Variants in MALRD1 observed in about 807,000 individuals in gnomAD.
The protein encoded by MALRD1 is MAM and LDL receptor class A domain containing 1.
In MALRD1, 247 loss-of-function variants were observed where a neutral mutation model predicts 242.1. The observed-to-expected ratio is 1.02, with a 90% CI of 0.92 to 1.13. The LOEUF is 1.13. Among genes scored for constraint, MALRD1 ranks in the 50% most tolerant of loss-of-function variants. MALRD1 has a pLI of 0.00. For missense variants in MALRD1, 2,989 were observed against 2,533.1 expected, an observed-to-expected ratio of 1.18 and a Z score of -3.86; for synonymous variants, 995 against 866.6, an observed-to-expected ratio of 1.15 and a Z score of -2.60.
chr10:19,553,482 CTG>C (rs1384152425), intron 32 of MALRD1, among the ~76,000 whole-genome samples: 3 of 151,898 alleles, frequency 2.0e-5, no homozygotes, highest in Non-Finnish European at 2.9e-5. Flanking sequence ...ACAGCTTGTA[CTG>C]TGTTTTAAAA....
chr10:19,099,112 T>C (rs1210553172), intron 4 of MALRD1, among the ~76,000 whole-genome samples: 1 of 152,172 alleles, frequency 6.6e-6, no homozygotes, highest in Non-Finnish European at 1.5e-5. Flanking sequence ...ACGGAGCTTC[T>C]ATATTGGTTA....
At chr10:19,677,164 C>T (rs1842171279) in intron 36 of MALRD1, among the ~76,000 whole-genome samples, 1 of 151,934 alleles carries the variant, frequency 6.6e-6, no homozygotes, top group African/African-American at 2.4e-5. Context: ...GATTTATATT[C>T]CTTTGGGTAT....
chr10:19,396,579 A>C (rs1042222150), intron 28 of MALRD1, among the ~76,000 whole-genome samples: 3 of 152,266 alleles, frequency 2.0e-5, no homozygotes, highest in Admixed American at 6.5e-5. Context: ...TATGTTGAAT[A>C]ATCAGGATTA....
intron 2 of MALRD1, among the ~76,000 whole-genome samples, chr10:19,078,578 A>G (rs1452166364): frequency 5.3e-5 from 8 of 151,782 alleles, no homozygotes; most frequent in East Asian, 3.9e-4. Flanking sequence ...TTTGTTTTTT[A>G]TAAGAGTTTG....
At chr10:19,381,015 C>T (rs1196656825) in intron 26 of MALRD1, among the ~76,000 whole-genome samples, 4 of 148,896 alleles carry the variant, frequency 2.7e-5, no homozygotes, top group Non-Finnish European at 5.9e-5. Context: ...CCCACTAAAT[C>T]GTCATCTAGC....
intron 24 of MALRD1, among the ~76,000 whole-genome samples, chr10:19,332,032 T>A (rs1382212867): frequency 6.6e-6 from 1 of 151,966 alleles, no homozygotes; most frequent in Non-Finnish European, 1.5e-5. Context: ...CGCCCAGCTA[T>A]TTTTTGTATT....
intron 12 of MALRD1, among the ~76,000 whole-genome samples, chr10:19,157,516 G>C (rs1256797713): frequency 6.6e-6 from 1 of 151,850 alleles, no homozygotes; most frequent in African/African-American, 2.4e-5. Context: ...CAAAGTGCTG[G>C]GATTACAGGC....
intron 36 of MALRD1, among the ~76,000 whole-genome samples, chr10:19,617,593 A>T (rs1191232099): frequency 6.6e-6 from 1 of 151,988 alleles, no homozygotes. Flanking sequence ...GGTTGTCATG[A>T]GTCTTTTTAA....
At chr10:19,391,790 A>G (rs2130822242) in intron 28 of MALRD1, among the ~76,000 whole-genome samples, 1 of 152,278 alleles carries the variant, frequency 6.6e-6, no homozygotes, top group Non-Finnish European at 1.5e-5. Flanking sequence ...AGTTCAACCA[A>G]CTGATTGTAA....
chr10:19,516,289 A>G (rs1291963079), intron 31 of MALRD1, among the ~76,000 whole-genome samples: 2 of 152,104 alleles, frequency 1.3e-5, no homozygotes, highest in Non-Finnish European at 2.9e-5. Context: ...GCAAGTGCTC[A>G]TTTTTTTCAG....
chr10:19,189,429 T>C (rs1245382498), intron 14 of MALRD1, among the ~76,000 whole-genome samples: 1 of 152,112 alleles, frequency 6.6e-6, no homozygotes, highest in African/African-American at 2.4e-5. Flanking sequence ...TTCCAAAAAA[T>C]TGAAGACAAG....
chr10:19,445,694 G>T (rs1834934315), intron 28 of MALRD1, among the ~76,000 whole-genome samples: 1 of 152,206 alleles, frequency 6.6e-6, no homozygotes, highest in Non-Finnish European at 1.5e-5. Flanking sequence ...ACCCAGCTGT[G>T]TGAGGTGTCA....
At chr10:19,570,237 A>G (rs1489154538) in intron 33 of MALRD1, among the ~76,000 whole-genome samples, 2 of 152,056 alleles carry the variant, frequency 1.3e-5, no homozygotes, top group Admixed American at 6.6e-5. Context: ...CGACTTCATT[A>G]TTGATTCAGG....
At chr10:19,238,432 TAA>T (rs1838535904) in intron 18 of MALRD1, among the ~76,000 whole-genome samples, 1 of 74,180 alleles carries the variant, frequency 1.3e-5, no homozygotes, top group African/African-American at 5.9e-5. Flanking sequence ...ACATTATATA[TAA>T]TATATAATAT....
intron 5 of MALRD1, among the ~76,000 whole-genome samples, chr10:19,111,060 C>T (rs1440514761): frequency 6.6e-6 from 1 of 152,136 alleles, no homozygotes; most frequent in Non-Finnish European, 1.5e-5. Flanking sequence ...ATATAAATTT[C>T]TCTCTATCTT....
chr10:19,277,616 T>C (rs1044182712), intron 19 of MALRD1, among the ~76,000 whole-genome samples: 4 of 152,160 alleles, frequency 2.6e-5, no homozygotes, highest in Non-Finnish European at 5.9e-5. Flanking sequence ...CTGGAAGACA[T>C]AGTTCGGGGT....
chr10:19,701,083 A>T lies in MALRD1; in HGVS notation c.6314+8529A>T, dbSNP rs1204560820. ...TGGATTGCTTGAGCCTGGGAGGTCA[A>T]GGCTGCAATGAGCTGTGATTGTGCC... On this transcript the variant is annotated intron_variant, in intron 38 of 39. Coordinates refer to ENST00000454679, the MANE Select transcript of MALRD1 (RefSeq NM_001142308.3). 2.0e-5 allele frequency among the ~76,000 whole-genome samples: 3 copies of T among 152,320 alleles called. No homozygotes were observed. In the East Asian group the frequency reaches 5.8e-4, roughly 29 times the overall value.
intron 28 of MALRD1, among the ~76,000 whole-genome samples, chr10:19,426,581 C>T (rs910540868): frequency 3.9e-5 from 6 of 152,080 alleles, no homozygotes; most frequent in African/African-American, 1.4e-4. Context: ...GTGGGTGAAT[C>T]ATTTGAGGTC....
chr10:19,388,968 A>G (rs967483640), intron 27 of MALRD1, among the ~76,000 whole-genome samples: 2 of 152,166 alleles, frequency 1.3e-5, no homozygotes, highest in Non-Finnish European at 2.9e-5. Flanking sequence ...ACATACATGA[A>G]ATGTTATGGA....
Sources: gnomAD v4.1 joint callset for allele counts (sites outside exome capture counted in the v4.1 genomes callset) on GRCh38, gnomAD v4.1.1 for gene constraint, MANE v1.5 for transcripts, NCBI Gene and HGNC (gene_info 2026-07-23, HGNC 2026-07-21) for gene names.